MGMT: variants seen among roughly 807,000 people sequenced by gnomAD.
The protein encoded by MGMT is O-6-methylguanine-DNA methyltransferase, also known as methylated-DNA--protein-cysteine methyltransferase.
Under a neutral mutation model 15.9 loss-of-function variants are expected in MGMT, and 14 were observed. The observed-to-expected ratio is 0.88, with a 90% CI of 0.58 to 1.37. The LOEUF is 1.37. Among genes scored for constraint, MGMT ranks in the 40% most tolerant of loss-of-function variants. The probability of loss-of-function intolerance (pLI) is 0.00; values close to 1 mark genes in which losing one functional copy is unlikely to be tolerated. For synonymous variants in MGMT, 130 were observed against 118.2 expected (o/e 1.10, Z -0.65); for missense variants, 282 against 268.1 (o/e 1.05, Z -0.36).
intron 2 of MGMT, among the ~76,000 whole-genome samples, chr10:129,620,415 G>A (rs917677080): frequency 2.6e-5 from 4 of 152,114 alleles, no homozygotes; most frequent in African/African-American, 9.7e-5. Flanking sequence ...TCAATCAGTC[G>A]AGAAAGGAGT....
chr10:129,500,794 G>C (rs996032046), intron 1 of MGMT, among the ~76,000 whole-genome samples: 3 of 152,062 alleles, frequency 2.0e-5, no homozygotes, highest in African/African-American at 7.2e-5. Flanking sequence ...CAAACTATCC[G>C]CCCGCCTTAG....
At chr10:129,737,958 G>T (rs1327670677) in intron 3 of MGMT, among the ~76,000 whole-genome samples, 1 of 152,216 alleles carries the variant, frequency 6.6e-6, no homozygotes, top group Non-Finnish European at 1.5e-5. Context: ...TCTCTTCAAA[G>T]CTGTCAGACA....
chr10:129,666,161 T>A (rs1469125096), intron 2 of MGMT, among the ~76,000 whole-genome samples: 1 of 152,184 alleles, frequency 6.6e-6, no homozygotes, highest in Non-Finnish European at 1.5e-5. Flanking sequence ...ATACTGGTGT[T>A]CTCTGTATTC....
chr10:129,551,792 C>T (rs1310462339), intron 2 of MGMT, among the ~76,000 whole-genome samples: 1 of 152,146 alleles, frequency 6.6e-6, no homozygotes, highest in African/African-American at 2.4e-5. Context: ...GTGGAACATG[C>T]CTTAGAGAAA....
intron 2 of MGMT, among the ~76,000 whole-genome samples, chr10:129,638,931 T>C (rs1007449172): frequency 2.6e-5 from 4 of 152,250 alleles, no homozygotes; most frequent in African/African-American, 4.8e-5. Flanking sequence ...TATAATGATA[T>C]GTAAAATAGA....
chr10:129,504,737 G>A (rs78717123), intron 1 of MGMT, among the ~76,000 whole-genome samples: 2,656 of 152,302 alleles, frequency 0.017, 91 homozygotes, highest in African/African-American at 0.061. Context: ...CAGAGAGCCT[G>A]TGCCACCTCA....
intron 2 of MGMT, among the ~76,000 whole-genome samples, chr10:129,702,304 C>A (rs570678945): frequency 4.9e-4 from 75 of 152,330 alleles, no homozygotes; most frequent in African/African-American, 1.8e-3. Flanking sequence ...AGGTGCCCGA[C>A]GCCCTGTTGT....
chr10:129,709,865 T>C (rs1481401611), intron 3 of MGMT, among the ~76,000 whole-genome samples: 1 of 151,854 alleles, frequency 6.6e-6, no homozygotes, highest in Non-Finnish European at 1.5e-5. Flanking sequence ...GGAGGAGGCC[T>C]CCGCAGCTGC....
chr10:129,651,201 T>C (rs1303209504), intron 2 of MGMT, among the ~76,000 whole-genome samples: 1 of 152,196 alleles, frequency 6.6e-6, no homozygotes, highest in East Asian at 1.9e-4. Flanking sequence ...ACCCGGAGGC[T>C]CCTGCCCCGT....
At position 129,705,478 on chromosome 10, in the gene MGMT, G is replaced by C. The variant is rs566722306; in HGVS notation, c.126-2417G>C. Among the ~76,000 whole-genome samples, 51 of 152,250 alleles carry C rather than the reference G, an allele frequency of 3.3e-4. No homozygotes were observed. In the South Asian group the frequency reaches 3.5e-3, roughly 11 times the overall value. ...GTAAGCTATAGTTATCTTTATTTCC[G>C]CTTTAACTGCATAAGAGAGGAAACC... is the stretch of plus-strand genomic sequence containing the variant. On this transcript the variant is annotated intron_variant, in intron 2 of 4. Coordinates refer to ENST00000651593, the MANE Select transcript of MGMT (RefSeq NM_002412.5).
intron 1 of MGMT, among the ~76,000 whole-genome samples, chr10:129,512,084 C>T (rs1341798097): frequency 6.6e-6 from 1 of 152,174 alleles, no homozygotes. Context: ...TCTGCAGATG[C>T]AGGATGCTGG....
chr10:129,686,385 AT>A (rs996830143), intron 2 of MGMT, among the ~76,000 whole-genome samples: 3 of 151,878 alleles, frequency 2.0e-5, no homozygotes, highest in Admixed American at 6.6e-5. Context: ...TTATTTTATT[AT>A]TTTTTTGAGA....
At chr10:129,565,477 T>C (rs1846343856) in intron 2 of MGMT, among the ~76,000 whole-genome samples, 1 of 152,218 alleles carries the variant, frequency 6.6e-6, no homozygotes, top group South Asian at 2.1e-4. Flanking sequence ...TGCTACCGTA[T>C]GTTTCAACTA....
rs757762502 is a variant in MGMT at position 129,766,930 on chromosome 10, G to C, written c.557G>C (p.Gly186Ala). 2 of 1,613,240 alleles carry C rather than the reference G, an allele frequency of 1.2e-6. No homozygotes were observed. Among genetic ancestry groups the C allele is most frequent in the Non-Finnish European group, 1.7e-6 (2 of 1,179,994 alleles). The change falls in exon 5 of 5, where the codon GGT (glycine) becomes GCT (alanine). Residue 186 changes from glycine to alanine, a missense_variant. Transcript: ENST00000651593. ...AAGCCAGGCTTGGGAGGGAGCTCAG[G>C]TCTGGCAGGGGCCTGGCTCAAGGGA... ...LGKPGLGGSS[G>A]LAGAWLKGAG...
At chr10:129,554,910 A>G (rs1040248984) in intron 2 of MGMT, among the ~76,000 whole-genome samples, 5 of 152,272 alleles carry the variant, frequency 3.3e-5, no homozygotes, top group South Asian at 2.1e-4. Flanking sequence ...CTTTACAGCT[A>G]TAAAGTGGAC....
intron 1 of MGMT, among the ~76,000 whole-genome samples, chr10:129,500,664 C>G (rs1252282873): frequency 6.6e-6 from 1 of 152,162 alleles, no homozygotes; most frequent in African/African-American, 2.4e-5. Context: ...ATCCTCGCAC[C>G]TCAGCCTCCT....
intron 2 of MGMT, among the ~76,000 whole-genome samples, chr10:129,543,635 T>C (rs1224435458): frequency 6.6e-6 from 1 of 152,102 alleles, no homozygotes; most frequent in East Asian, 1.9e-4. Context: ...AGGTGGATAG[T>C]ATTTAAACAA....
intron 1 of MGMT, among the ~76,000 whole-genome samples, chr10:129,498,063 C>G (rs754727990): frequency 6.6e-6 from 1 of 152,166 alleles, no homozygotes; most frequent in East Asian, 1.9e-4. Flanking sequence ...TGGACCCTTT[C>G]GAAGAATACT....
chr10:129,603,885 T>G (rs2133063277), intron 2 of MGMT, among the ~76,000 whole-genome samples: 1 of 152,352 alleles, frequency 6.6e-6, no homozygotes. Context: ...TTCAGACTCC[T>G]AGATTGAAGA....
Sources: allele counts gnomAD v4.1 joint callset (sites outside exome capture counted in the v4.1 genomes callset), GRCh38; gene constraint gnomAD v4.1.1; transcripts MANE v1.5; gene names NCBI Gene and HGNC (gene_info 2026-07-23, HGNC 2026-07-21).